Variants in ZDHHC15 observed in about 807,000 individuals in gnomAD.
ZDHHC15 encodes palmitoyltransferase ZDHHC15.
A neutral mutation model predicts 31.7 loss-of-function variants in ZDHHC15; 19 were observed. The observed-to-expected ratio is 0.60, with a 90% CI of 0.42 to 0.88. The LOEUF is 0.88. ZDHHC15 is among the 40% of genes least tolerant of loss of function. The probability of loss-of-function intolerance (pLI) is 0.00; values close to 1 mark genes in which losing one functional copy is unlikely to be tolerated. For missense variants in ZDHHC15, 209 were observed against 251.2 expected (o/e 0.83, Z 1.14); for synonymous variants, 103 against 90.0 (o/e 1.14, Z -0.82).
rs764273601 is a variant in ZDHHC15, at chrX:75,517,022, C to T, written c.136+5867G>A. Among the ~76,000 whole-genome samples, 304 of 112,005 alleles carry T rather than the reference C, an allele frequency of 2.7e-3. 1 individual carries two copies. The highest frequency in any genetic ancestry group is 9.4e-3 in the African/African-American group (289 of 30,837). Reference sequence around the variant, plus strand: ...CACTGGCCATCAGAGAAATGCAAATCAAAACCACAATGAGATACCATCTCA... The same window carrying T: ...CACTGGCCATCAGAGAAATGCAAATTAAAACCACAATGAGATACCATCTCA... On this transcript the variant is annotated intron_variant, in intron 1 of 11. Transcript: ENST00000373367.
At chrX:75,475,610 T>C (rs1358803662) in intron 3 of ZDHHC15, among the ~76,000 whole-genome samples, 1 of 112,239 alleles carries the variant, frequency 8.9e-6, no homozygotes, top group African/African-American at 3.2e-5. Flanking sequence ...CACATTGTTT[T>C]GATTACTGTA....
At chrX:75,409,279 G>A (rs910327964) in intron 10 of ZDHHC15, among the ~76,000 whole-genome samples, 2 of 109,187 alleles carry the variant, frequency 1.8e-5, no homozygotes, top group African/African-American at 3.3e-5. Flanking sequence ...ATCACTTGAG[G>A]CCGGGAGTTT....
chrX:75,399,942 C>T (rs2083338327), intron 10 of ZDHHC15, among the ~76,000 whole-genome samples: 1 of 111,272 alleles, frequency 9.0e-6, no homozygotes, highest in African/African-American at 3.3e-5. Flanking sequence ...AAGCCTCAGC[C>T]CAGTGAAAAC....
At chrX:75,521,264 G>A (rs980634692) in intron 1 of ZDHHC15, among the ~76,000 whole-genome samples, 2 of 110,798 alleles carry the variant, frequency 1.8e-5, no homozygotes, top group African/African-American at 6.6e-5. Flanking sequence ...TTACAGTGTC[G>A]AAGTGACAAG....
At chrX:75,421,384 G>T (rs2083625815) in intron 9 of ZDHHC15, among the ~76,000 whole-genome samples, 1 of 2,844 alleles carries the variant, frequency 3.5e-4, no homozygotes, top group Non-Finnish European at 9.4e-4. Flanking sequence ...TCCAGTATGT[G>T]TGTATATATA....
chrX:75,500,215 C>T (rs2085068002), intron 2 of ZDHHC15, among the ~76,000 whole-genome samples: 1 of 108,608 alleles, frequency 9.2e-6, no homozygotes, highest in African/African-American at 3.4e-5. Context: ...GAAATCACAG[C>T]TAAAGTACTT....
chrX:75,513,845 T>A (rs1398532937), intron 1 of ZDHHC15, among the ~76,000 whole-genome samples: 2 of 104,486 alleles, frequency 1.9e-5, no homozygotes, highest in Non-Finnish European at 3.9e-5. Flanking sequence ...AAAAAGAAAA[T>A]CTTGAAAGCA....
intron 2 of ZDHHC15, among the ~76,000 whole-genome samples, chrX:75,494,219 G>T (rs1396914247): frequency 9.0e-6 from 1 of 110,996 alleles, no homozygotes; most frequent in African/African-American, 3.3e-5. Context: ...AGGAATCCAA[G>T]TTACAAGGGA....
chrX:75,382,030 A>G (rs997238864), intron 10 of ZDHHC15, among the ~76,000 whole-genome samples: 12 of 111,942 alleles, frequency 1.1e-4, no homozygotes, highest in African/African-American at 3.9e-4. Context: ...CAATCACACA[A>G]TTCCCACATG....
chrX:75,489,674 A>G (rs1433015319), intron 2 of ZDHHC15, among the ~76,000 whole-genome samples: 1 of 112,116 alleles, frequency 8.9e-6, no homozygotes, highest in Non-Finnish European at 1.9e-5. Flanking sequence ...AACTCTAAAA[A>G]TCAGAGGACC....
At chrX:75,439,721 TG>T (rs1159485761) in intron 4 of ZDHHC15, among the ~76,000 whole-genome samples, 1 of 112,002 alleles carries the variant, frequency 8.9e-6, no homozygotes, top group Non-Finnish European at 1.9e-5. Flanking sequence ...ATGTGGTCTT[TG>T]GGGGATGTCA....
intron 3 of ZDHHC15, among the ~76,000 whole-genome samples, chrX:75,466,407 A>G (rs754836811): frequency 1.8e-5 from 2 of 111,674 alleles, no homozygotes; most frequent in Non-Finnish European, 3.8e-5. Context: ...CTAGAGCCAG[A>G]AATACCATTT....
intron 10 of ZDHHC15, among the ~76,000 whole-genome samples, chrX:75,407,268 G>A (rs1213994589): frequency 9.0e-6 from 1 of 111,295 alleles, no homozygotes; most frequent in African/African-American, 3.3e-5. Context: ...CGCCCCGTCT[G>A]AGAAGTGAGG....
intron 2 of ZDHHC15, 32 bp from the exon 3 acceptor site, chrX:75,479,017 A>G (rs1441196423): frequency 2.0e-6 from 2 of 978,322 alleles, no homozygotes; most frequent in Admixed American, 3.1e-5. Context: ...TGTTTATACT[A>G]TCTTTTTATC....
At chrX:75,437,287 T>G (rs1419193447) in intron 4 of ZDHHC15, among the ~76,000 whole-genome samples, 2 of 107,915 alleles carry the variant, frequency 1.9e-5, no homozygotes, top group Admixed American at 2.0e-4. Context: ...TTTTTTAAAT[T>G]TATTTATTAT....
chrX:75,455,172 A>G (rs2084196578), intron 3 of ZDHHC15, among the ~76,000 whole-genome samples: 1 of 111,730 alleles, frequency 9.0e-6, no homozygotes. Context: ...AAACAGAGAT[A>G]TAGCCCAATG....
chrX:75,446,626 C>A (rs997885239), intron 4 of ZDHHC15, among the ~76,000 whole-genome samples: 1 of 111,866 alleles, frequency 8.9e-6, no homozygotes, highest in Admixed American at 9.5e-5. Flanking sequence ...GTACCATAGA[C>A]TGGGTAGCTT....
intron 1 of ZDHHC15, among the ~76,000 whole-genome samples, chrX:75,520,644 C>T (rs946744294): frequency 7.2e-5 from 8 of 110,430 alleles, no homozygotes; most frequent in African/African-American, 2.6e-4. Context: ...AACTTTTGAC[C>T]CTTCAATCAA....
chrX:75,445,099 C>T (rs2084015283), intron 4 of ZDHHC15, among the ~76,000 whole-genome samples: 2 of 110,826 alleles, frequency 1.8e-5, no homozygotes, highest in Admixed American at 9.7e-5. Flanking sequence ...TTCTCAGCCT[C>T]CATAATTATG....
Sources: gnomAD v4.1 joint callset for allele counts (sites outside exome capture counted in the v4.1 genomes callset) on GRCh38, gnomAD v4.1.1 for gene constraint, MANE v1.5 for transcripts, NCBI Gene and HGNC (gene_info 2026-07-23, HGNC 2026-07-21) for gene names.